Variants in RABGAP1L observed in about 807,000 individuals in gnomAD.
The protein encoded by RABGAP1L is rab GTPase-activating protein 1-like.
A neutral mutation model predicts 137.7 loss-of-function variants in RABGAP1L; 63 were observed. The observed-to-expected ratio is 0.46, with a 90% confidence interval of 0.37 to 0.56. RABGAP1L has a LOEUF of 0.56. Ranked by LOEUF, RABGAP1L falls within the 20% of genes least tolerant of loss-of-function variation. The pLI is 0.00. For missense variants in RABGAP1L, 1,095 were observed against 1,244.0 expected (o/e 0.88, Z 1.80); for synonymous variants, 431 against 433.7 (o/e 0.99, Z 0.08).
At chr1:174,973,036 A>G (rs185289911) in intron 21 of RABGAP1L, among the ~76,000 whole-genome samples, 46 of 152,304 alleles carry the variant, frequency 3.0e-4, no homozygotes, top group African/African-American at 1.1e-3. Context: ...CAAAAATTCA[A>G]AAGACCACTG....
rs563082003 is a variant in RABGAP1L, at chr1:174,217,002, A to G, written c.-33-2123A>G. 1.1e-4 allele frequency among the ~76,000 whole-genome samples: 16 copies of G among 152,298 alleles called. No homozygotes were observed. In the East Asian group the frequency reaches 2.7e-3, roughly 26 times the overall value. ...ATAGAAGATGGGTTAGGAGGCTTTT[A>G]CAGTAGATAAGAGCATTGTTTGGAC... On this transcript the variant is annotated intron_variant, in intron 1 of 25. Transcript: ENST00000681986.
intron 18 of RABGAP1L, among the ~76,000 whole-genome samples, chr1:174,808,189 G>A (rs1229037933): frequency 1.3e-5 from 2 of 151,742 alleles, no homozygotes; most frequent in East Asian, 1.9e-4. Context: ...GGGTTTCACC[G>A]TGTTAGCCAG....
At chr1:174,606,465 T>A (rs1670802798) in intron 13 of RABGAP1L, among the ~76,000 whole-genome samples, 1 of 152,220 alleles carries the variant, frequency 6.6e-6, no homozygotes, top group Admixed American at 6.5e-5. Flanking sequence ...ATGCCAATTT[T>A]AAAGCTACTT....
chr1:174,617,741 G>A (rs756502141), intron 13 of RABGAP1L, among the ~76,000 whole-genome samples: 6 of 152,190 alleles, frequency 3.9e-5, no homozygotes, highest in Non-Finnish European at 8.8e-5. Flanking sequence ...ACCAGGGGGT[G>A]CAGCCAAGAG....
intron 13 of RABGAP1L, among the ~76,000 whole-genome samples, chr1:174,486,408 G>C (rs953852000): frequency 5.4e-5 from 8 of 147,218 alleles, no homozygotes; most frequent in Non-Finnish European, 1.5e-5. Context: ...GTGCAGTGGC[G>C]TGATCTCGGC....
chr1:174,693,247 C>T (rs370646719), intron 15 of RABGAP1L, among the ~76,000 whole-genome samples: 2 of 152,210 alleles, frequency 1.3e-5, no homozygotes, highest in African/African-American at 4.8e-5. Context: ...TCCCACTGCA[C>T]TTAGAATACA....
intron 13 of RABGAP1L, among the ~76,000 whole-genome samples, chr1:174,619,366 A>G (rs1672224121): frequency 6.6e-6 from 1 of 152,226 alleles, no homozygotes; most frequent in South Asian, 2.1e-4. Context: ...AATGAAGGAA[A>G]AAATGTTAAG....
chr1:174,629,182 G>C (rs1400499260), intron 13 of RABGAP1L, among the ~76,000 whole-genome samples: 1 of 152,186 alleles, frequency 6.6e-6, no homozygotes, highest in East Asian at 1.9e-4. Flanking sequence ...TGGATGATTA[G>C]ATGTGCATTC....
intron 10 of RABGAP1L, among the ~76,000 whole-genome samples, chr1:174,282,155 T>C (rs1048043006): frequency 6.6e-6 from 1 of 152,226 alleles, no homozygotes; most frequent in African/African-American, 2.4e-5. Flanking sequence ...TTTTCATTTC[T>C]TTTGGGTTGA....
chr1:174,562,643 G>A (rs572677668), intron 13 of RABGAP1L, among the ~76,000 whole-genome samples: 27 of 152,172 alleles, frequency 1.8e-4, no homozygotes, highest in Non-Finnish European at 3.7e-4. Flanking sequence ...AAGAAATGTG[G>A]CACGTATACA....
chr1:174,460,804 A>AT (rs1285050775), intron 13 of RABGAP1L, among the ~76,000 whole-genome samples: 8 of 151,562 alleles, frequency 5.3e-5, no homozygotes, highest in African/African-American at 1.9e-4. Flanking sequence ...GTTCTTTGCA[A>AT]TTTTTTTTCT....
At chr1:174,313,157 C>G (rs541137843) in intron 11 of RABGAP1L, among the ~76,000 whole-genome samples, 1 of 152,132 alleles carries the variant, frequency 6.6e-6, no homozygotes, top group East Asian at 1.9e-4. Flanking sequence ...TTGATCTGAC[C>G]TTGTGATCTG....
chr1:174,774,016 T>C (rs962539256), intron 18 of RABGAP1L, among the ~76,000 whole-genome samples: 1 of 152,228 alleles, frequency 6.6e-6, no homozygotes, highest in Non-Finnish European at 1.5e-5. Flanking sequence ...GTTGATAGTT[T>C]GATAACTCAC....
chr1:174,973,512 G>C (rs1486092744), intron 21 of RABGAP1L, among the ~76,000 whole-genome samples: 1 of 151,118 alleles, frequency 6.6e-6, no homozygotes, highest in African/African-American at 2.4e-5. Context: ...TGTCTCCTGA[G>C]TAGCTGGAAT....
chr1:174,890,807 G>T (rs564503123), intron 19 of RABGAP1L, among the ~76,000 whole-genome samples: 73 of 152,120 alleles, frequency 4.8e-4, no homozygotes, highest in African/African-American at 1.7e-3. Context: ...TTCATGAAGG[G>T]TGTCCTTGTT....
chr1:174,483,079 C>A (rs2149334946), intron 13 of RABGAP1L, among the ~76,000 whole-genome samples: 1 of 152,182 alleles, frequency 6.6e-6, no homozygotes, highest in East Asian at 1.9e-4. Flanking sequence ...ATAATCACAT[C>A]AGGGAAAGTG....
chr1:174,818,352 T>C (rs1437839316), intron 19 of RABGAP1L, among the ~76,000 whole-genome samples: 1 of 152,226 alleles, frequency 6.6e-6, no homozygotes, highest in African/African-American at 2.4e-5. Context: ...CAAGTGTCAG[T>C]GGTACCTAGA....
chr1:174,542,572 G>T (rs1202895611), intron 13 of RABGAP1L, among the ~76,000 whole-genome samples: 3 of 152,114 alleles, frequency 2.0e-5, no homozygotes, highest in African/African-American at 7.2e-5. Flanking sequence ...TTTTTGAAGG[G>T]TTTTTTGTGT....
intron 19 of RABGAP1L, among the ~76,000 whole-genome samples, chr1:174,931,187 A>G (rs1573881499): frequency 6.6e-6 from 1 of 152,162 alleles, no homozygotes. Context: ...GCAAAACTTG[A>G]TATTTTCTTA....
Sources: gnomAD v4.1 joint callset for allele counts (sites outside exome capture counted in the v4.1 genomes callset) on GRCh38, gnomAD v4.1.1 for gene constraint, MANE v1.5 for transcripts, NCBI Gene and HGNC (gene_info 2026-07-23, HGNC 2026-07-21) for gene names.